ZMYND11: variants seen among roughly 807,000 people sequenced by gnomAD.
ZMYND11 encodes zinc finger MYND domain-containing protein 11.
A neutral mutation model predicts 84.9 loss-of-function variants in ZMYND11; 9 were observed. That is an observed-to-expected ratio of 0.11 (90% CI 0.06 to 0.18). The LOEUF (loss-of-function observed/expected upper bound fraction) is 0.18. Among genes scored for constraint, ZMYND11 ranks in the 10% least tolerant of loss-of-function variants. The pLI is 1.00. For missense variants in ZMYND11, 409 were observed against 761.0 expected (o/e 0.54, Z 5.44); for synonymous variants, 250 against 244.1 (o/e 1.02, Z -0.23).
At chr10:214,839 A>C (rs1945877742) in intron 3 of ZMYND11, among the ~76,000 whole-genome samples, 1 of 152,216 alleles carries the variant, frequency 6.6e-6, no homozygotes, top group South Asian at 2.1e-4. Context: ...TTTCTTGGAC[A>C]GAATTTTACC....
At chr10:155,918 A>G (rs1554758744) in intron 1 of ZMYND11, among the ~76,000 whole-genome samples, 1 of 152,234 alleles carries the variant, frequency 6.6e-6, no homozygotes, top group Non-Finnish European at 1.5e-5. Flanking sequence ...GAATCCTTTG[A>G]GAAACCTATA....
chr10:202,692 C>T (rs1301002218), intron 2 of ZMYND11, among the ~76,000 whole-genome samples: 2 of 152,206 alleles, frequency 1.3e-5, no homozygotes, highest in Non-Finnish European at 2.9e-5. Context: ...AGGGCTCCCT[C>T]ATTCCAACCT....
At chr10:237,748 A>G in intron 6 of ZMYND11, 71 bp downstream of exon 6, 2 of 1,242,446 alleles carry the variant, frequency 1.6e-6, no homozygotes, top group Non-Finnish European at 2.3e-6. Context: ...ATAATGTAGC[A>G]GTTAAGCAGA....
At position 158,984 on chromosome 10, in the gene ZMYND11, G is replaced by GTTTTTTTTTTTT. The variant is rs376931420; in HGVS notation, c.-19-21004_-19-21003insTTTTTTTTTTTT. Among the ~76,000 whole-genome samples, 10 of 40,052 alleles carry GTTTTTTTTTTTT rather than the reference G, an allele frequency of 2.5e-4. 2 individuals carry two copies. Among genetic ancestry groups the GTTTTTTTTTTTT allele is most frequent in the Non-Finnish European group, 4.1e-4 (8 of 19,344 alleles). 26.3% of individuals were successfully genotyped at this position (40,052 alleles called of 152,430 possible). A position where few individuals can be genotyped will look rare whatever the true frequency, so the allele number is the denominator to read the frequency against. On this transcript the variant is annotated intron_variant, in intron 1 of 14. Coordinates refer to ENST00000381604, the MANE Select transcript of ZMYND11 (RefSeq NM_001370100.5). Reference sequence around the variant, plus strand: ...AGATATATGATTTGCAGGGTTTTTTGTTTTTTGTTTTTTTTTTTTTTTTTA... The same window carrying GTTTTTTTTTTTT: ...AGATATATGATTTGCAGGGTTTTTTGTTTTTTTTTTTTTTTTTTGTTTTTTTTTTTTTTTTTA...
chr10:223,829 GA>G (rs1201319406), intron 4 of ZMYND11, among the ~76,000 whole-genome samples: 1 of 152,082 alleles, frequency 6.6e-6, no homozygotes, highest in Non-Finnish European at 1.5e-5. Context: ...TCAAAACTTT[GA>G]GTAAAGCCGT....
chr10:238,607 C>A (rs550408235), intron 6 of ZMYND11, among the ~76,000 whole-genome samples: 1 of 152,116 alleles, frequency 6.6e-6, no homozygotes, highest in African/African-American at 2.4e-5. Context: ...CTGCCCGCCT[C>A]GGCCTCCCAA....
At position 211,891 on chromosome 10, in the gene ZMYND11, G is replaced by C. The variant is rs1461962094; in HGVS notation, c.276+1843G>C. ...CAAGTGGTATCAGTCTATTGCCTCA[G>C]GTATTTAAAGGAGGGCCATTAATTG... On this transcript the variant is annotated intron_variant, in intron 3 of 14. Transcript: ENST00000381604. Among the ~76,000 whole-genome samples, 4 of 152,142 alleles carry C rather than the reference G, an allele frequency of 2.6e-5. No homozygotes were observed. The South Asian group carries it at 6.3e-4, about 24-fold the overall frequency.
At chr10:201,918 T>G (rs924425749) in intron 2 of ZMYND11, among the ~76,000 whole-genome samples, 4 of 152,224 alleles carry the variant, frequency 2.6e-5, no homozygotes, top group Admixed American at 2.0e-4. Flanking sequence ...AGGCCACTTA[T>G]CAGTGTATCT....
intron 3 of ZMYND11, chr10:218,586 G>A (rs2131384632): frequency 3.9e-6 from 1 of 254,994 alleles, no homozygotes. Context: ...GGCTAGCTTA[G>A]TTAACTCTTG....
chr10:214,313 A>C (rs1431272689), intron 3 of ZMYND11, among the ~76,000 whole-genome samples: 1 of 152,206 alleles, frequency 6.6e-6, no homozygotes, highest in East Asian at 1.9e-4. Context: ...ACAGAAGTAT[A>C]CGTACTGAGG....
chr10:181,706 T>G (rs1588707219), intron 2 of ZMYND11, among the ~76,000 whole-genome samples: 1 of 152,242 alleles, frequency 6.6e-6, no homozygotes, highest in South Asian at 2.1e-4. Context: ...TGGCTCCAAT[T>G]CTGTACTCGC....
intron 4 of ZMYND11, among the ~76,000 whole-genome samples, chr10:230,600 T>C (rs1016250032): frequency 2.0e-5 from 3 of 151,846 alleles, no homozygotes; most frequent in African/African-American, 7.3e-5. Flanking sequence ...CTCACTAATA[T>C]TTCAGTGAGC....
At chr10:242,634 G>GATATTGAGATAAGGTGAAAAAGTGA (rs1951241829) in intron 10 of ZMYND11, among the ~76,000 whole-genome samples, 1 of 152,186 alleles carries the variant, frequency 6.6e-6, no homozygotes, top group African/African-American at 2.4e-5. Context: ...ATTTAACACA[G>GATATTGAGATAAGGTGAAAAAGTGA]ATATTGAGAT....
At chr10:236,811 C>CT (rs753774748) in intron 4 of ZMYND11, 27 bp from the exon 5 acceptor site, 16 of 1,583,316 alleles carry the variant, frequency 1.0e-5, no homozygotes, top group African/African-American at 4.1e-5. Context: ...GATTTTGTAC[C>CT]TTTTTTTATT....
chr10:222,608 T>A (rs951906982), intron 4 of ZMYND11, among the ~76,000 whole-genome samples: 5 of 152,198 alleles, frequency 3.3e-5, no homozygotes, highest in African/African-American at 4.8e-5. Context: ...TCATATTTTA[T>A]TCTCTTGTGG....
At chr10:197,835 A>G in intron 2 of ZMYND11, 1 of 465,560 alleles carries the variant, frequency 2.1e-6, no homozygotes, top group East Asian at 3.5e-5. Context: ...CCAAAACAGT[A>G]CTCTGCTGTT....
At chr10:183,938 G>A (rs559959321) in intron 2 of ZMYND11, among the ~76,000 whole-genome samples, 16 of 152,278 alleles carry the variant, frequency 1.1e-4, no homozygotes, top group African/African-American at 3.6e-4. Flanking sequence ...GTTTTAAAAT[G>A]TATTTTAAGA....
chr10:153,318 AT>A (rs1193025451), intron 1 of ZMYND11, among the ~76,000 whole-genome samples: 1 of 152,232 alleles, frequency 6.6e-6, no homozygotes, highest in Non-Finnish European at 1.5e-5. Flanking sequence ...ATTAAAATGA[AT>A]ATTAATAAAA....
intron 1 of ZMYND11, among the ~76,000 whole-genome samples, chr10:140,407 T>G (rs1554753695): frequency 1.3e-5 from 2 of 152,232 alleles, no homozygotes; most frequent in African/African-American, 4.8e-5. Flanking sequence ...TCCATAGAGT[T>G]ATTTAGTTTG....
Sources: gnomAD v4.1 joint callset for allele counts (sites outside exome capture counted in the v4.1 genomes callset) on GRCh38, gnomAD v4.1.1 for gene constraint, MANE v1.5 for transcripts, NCBI Gene and HGNC (gene_info 2026-07-23, HGNC 2026-07-21) for gene names.